The following ANGPT1 variants were observed in gnomAD, a reference collection of about 807,000 sequenced individuals.
ANGPT1 encodes angiopoietin-1.
ANGPT1 carries 17 observed loss-of-function variants against 62.2 expected under a neutral mutation model. The ratio of observed to expected loss-of-function variants is 0.27; its 90% CI spans 0.19 to 0.41. The LOEUF is 0.41. ANGPT1 is among the 10% of genes least tolerant of loss of function. The probability of loss-of-function intolerance (pLI) is 1.00; values close to 1 mark genes in which losing one functional copy is unlikely to be tolerated. For synonymous variants in ANGPT1, 199 were observed against 198.9 expected, an observed-to-expected ratio of 1.00 and a Z score of 0.00; for missense variants, 478 against 594.9, an observed-to-expected ratio of 0.80 and a Z score of 2.04.
intron 1 of ANGPT1, among the ~76,000 whole-genome samples, chr8:107,461,461 GA>G (rs1186331374): frequency 6.6e-6 from 1 of 151,968 alleles, no homozygotes; most frequent in Non-Finnish European, 1.5e-5. Context: ...TCCAAGTCAG[GA>G]TACTTTTTAC....
At chr8:107,388,900 CA>C (rs1330121462) in intron 1 of ANGPT1, among the ~76,000 whole-genome samples, 1 of 152,116 alleles carries the variant, frequency 6.6e-6, no homozygotes, top group African/African-American at 2.4e-5. Flanking sequence ...AGGGCAGTTT[CA>C]AAAATCATTA....
intron 1 of ANGPT1, among the ~76,000 whole-genome samples, chr8:107,487,471 T>C (rs1215915372): frequency 6.6e-6 from 1 of 152,020 alleles, no homozygotes; most frequent in Non-Finnish European, 1.5e-5. Context: ...AGAAAGTTAA[T>C]AATAAATTCA....
At chr8:107,479,322 C>T (rs1812615831) in intron 1 of ANGPT1, among the ~76,000 whole-genome samples, 1 of 152,104 alleles carries the variant, frequency 6.6e-6, no homozygotes, top group Non-Finnish European at 1.5e-5. Flanking sequence ...AATTGGATTA[C>T]TGAGTTAAAA....
chr8:107,450,390 G>T (rs1024507915), intron 1 of ANGPT1, among the ~76,000 whole-genome samples: 1 of 151,964 alleles, frequency 6.6e-6, no homozygotes, highest in African/African-American at 2.4e-5. Context: ...TGTGTTATGT[G>T]ATAAAGGTGG....
chr8:107,278,916 G>A (rs541610575), intron 7 of ANGPT1, among the ~76,000 whole-genome samples: 1 of 152,276 alleles, frequency 6.6e-6, no homozygotes, highest in South Asian at 2.1e-4. Flanking sequence ...CAAATTTCAA[G>A]CATATGTTTT....
intron 4 of ANGPT1, among the ~76,000 whole-genome samples, chr8:107,304,961 T>A (rs76354361): frequency 0.037 from 5,550 of 152,022 alleles, 322 homozygotes; most frequent in African/African-American, 0.13. Flanking sequence ...CAAATAGCAA[T>A]TTAAAGATGC....
intron 1 of ANGPT1, among the ~76,000 whole-genome samples, chr8:107,475,663 A>G (rs1812501496): frequency 6.6e-6 from 1 of 152,232 alleles, no homozygotes; most frequent in Non-Finnish European, 1.5e-5. Context: ...ACAGAATGGG[A>G]GAAAATTTTT....
At chr8:107,298,912 C>T (rs1480715939) in intron 5 of ANGPT1, among the ~76,000 whole-genome samples, 2 of 151,924 alleles carry the variant, frequency 1.3e-5, no homozygotes, top group East Asian at 3.9e-4. Context: ...TAGCACCAAA[C>T]TTCCTGTTTA....
intron 4 of ANGPT1, among the ~76,000 whole-genome samples, chr8:107,310,982 AGT>A (rs57617011): frequency 0.052 from 4,270 of 82,784 alleles, 212 homozygotes; most frequent in African/African-American, 0.15. Context: ...TGTGTATGTG[AGT>A]GTGTGTGTAT....
chr8:107,267,683 C>T (rs968769704), intron 7 of ANGPT1, among the ~76,000 whole-genome samples: 2 of 152,016 alleles, frequency 1.3e-5, no homozygotes, highest in Admixed American at 6.6e-5. Flanking sequence ...TAAAGTTGCT[C>T]GGTTGTTCCT....
chr8:107,291,904 G>T (rs75295710), intron 6 of ANGPT1, among the ~76,000 whole-genome samples: 2 of 122,102 alleles, frequency 1.6e-5, no homozygotes, highest in African/African-American at 3.0e-5. Flanking sequence ...GGGGGGGGGG[G>T]GGCTTGCCAC....
chr8:107,417,614 A>G (rs774796308), intron 1 of ANGPT1, among the ~76,000 whole-genome samples: 6 of 152,142 alleles, frequency 3.9e-5, no homozygotes, highest in African/African-American at 7.2e-5. Flanking sequence ...CTTTCCCCCA[A>G]ATAGATTATG....
At chr8:107,363,654 C>A (rs1816213811) in intron 1 of ANGPT1, among the ~76,000 whole-genome samples, 3 of 152,058 alleles carry the variant, frequency 2.0e-5, no homozygotes, top group Admixed American at 6.6e-5. Flanking sequence ...TAAGAAAAAT[C>A]ATAAATATAC....
At chr8:107,263,507 TTTG>T (rs1388950073) in intron 8 of ANGPT1, among the ~76,000 whole-genome samples, 1 of 152,090 alleles carries the variant, frequency 6.6e-6, no homozygotes, top group Non-Finnish European at 1.5e-5. Flanking sequence ...GTTGTTGTTT[TTTG>T]TTGTTTGTTT....
At chr8:107,279,888 A>G (rs142422546) in intron 7 of ANGPT1, among the ~76,000 whole-genome samples, 15 of 152,166 alleles carry the variant, frequency 9.9e-5, no homozygotes, top group Admixed American at 2.0e-4. Flanking sequence ...ATGGGAGCAC[A>G]GAGTATCCAA....
chr8:107,405,865 T>C (rs1427760699), intron 1 of ANGPT1, among the ~76,000 whole-genome samples: 1 of 151,914 alleles, frequency 6.6e-6, no homozygotes, highest in Non-Finnish European at 1.5e-5. Flanking sequence ...TAAGTAAAAT[T>C]TGATATTCCT....
At chr8:107,440,718 C>A (rs1465876313) in intron 1 of ANGPT1, among the ~76,000 whole-genome samples, 1 of 152,196 alleles carries the variant, frequency 6.6e-6, no homozygotes, top group Non-Finnish European at 1.5e-5. Context: ...AAACAACAGG[C>A]TGATGGTGTT....
intron 6 of ANGPT1, among the ~76,000 whole-genome samples, chr8:107,287,403 G>A (rs1289900981): frequency 6.6e-6 from 1 of 152,154 alleles, no homozygotes; most frequent in Non-Finnish European, 1.5e-5. Context: ...AGGAAGAAGT[G>A]ACTAAAAAGA....
At chr8:107,490,370 T>C (rs1812926393) in intron 1 of ANGPT1, among the ~76,000 whole-genome samples, 1 of 152,210 alleles carries the variant, frequency 6.6e-6, no homozygotes, top group African/African-American at 2.4e-5. Flanking sequence ...AGGTGCTTTT[T>C]TTTTCTTTTC....
Sources: allele counts gnomAD v4.1 joint callset (sites outside exome capture counted in the v4.1 genomes callset), GRCh38; gene constraint gnomAD v4.1.1; transcripts MANE v1.5; gene names NCBI Gene and HGNC (gene_info 2026-07-23, HGNC 2026-07-21).